Variants in RO60 observed in about 807,000 individuals in gnomAD.
RO60 encodes Ro60, Y RNA binding protein, also known as RNA-binding protein RO60.
A neutral mutation model predicts 55.3 loss-of-function variants in RO60; 20 were observed. The ratio of observed to expected loss-of-function variants is 0.36; its 90% confidence interval spans 0.25 to 0.53. The LOEUF is 0.53. RO60 is among the 20% of genes least tolerant of loss of function. The pLI, the probability that RO60 is intolerant of heterozygous loss-of-function variation, is 0.92. For missense variants in RO60, 558 were observed against 646.6 expected (o/e 0.86, Z 1.49); for synonymous variants, 213 against 213.6 (o/e 1.00, Z 0.02).
chr1:193,091,467 A>G (rs573755946), downstream of RO60: 28 of 552,346 alleles, frequency 5.1e-5, no homozygotes, highest in African/African-American at 5.3e-4. Context: ...GGAGCTTCCT[A>G]GGTCTGTTGA....
intron 3 of RO60, 95 bp from the exon 4 acceptor site, chr1:193,076,406 C>G: frequency 7.5e-7 from 1 of 1,339,026 alleles, no homozygotes; most frequent in Non-Finnish European, 1.0e-6. Context: ...ATGAAAGCCT[C>G]AGAGACTGTA....
chr1:193,069,635 G>C lies in RO60; in HGVS notation c.580+1G>C. 6.2e-7 allele frequency: 1 copy of C among 1,602,240 alleles called. No individual in the cohort carries two copies. Among genetic ancestry groups the C allele is most frequent in the Non-Finnish European group, 8.5e-7 (1 of 1,171,394 alleles). On this transcript the variant is annotated splice_donor_variant, in intron 2 of 8. Transcript: ENST00000400968. LOFTEE classifies it high-confidence loss of function. ...TCACATCTTAAACCTTCCAGTGAAG[G>C]TAAGCATAAGATCTTCATTGGGAAG... is the stretch of plus-strand genomic sequence containing the variant.
At chr1:193,067,035 GATT>G (rs1203937687) in intron 1 of RO60, among the ~76,000 whole-genome samples, 1 of 151,586 alleles carries the variant, frequency 6.6e-6, no homozygotes, top group African/African-American at 2.4e-5. Context: ...AATCTTTCTG[GATT>G]ATTGAGACAA....
At chr1:193,067,092 A>G (rs1218839830) in intron 1 of RO60, among the ~76,000 whole-genome samples, 4 of 151,836 alleles carry the variant, frequency 2.6e-5, no homozygotes, top group Non-Finnish European at 5.9e-5. Flanking sequence ...CTTTTCTACT[A>G]CAGCACTTAA....
chr1:193,069,956 T>C (rs1161243682), intron 2 of RO60, among the ~76,000 whole-genome samples: 2 of 152,138 alleles, frequency 1.3e-5, no homozygotes, highest in African/African-American at 2.4e-5. Context: ...AAAGTTGCAA[T>C]AAGCCTTGGA....
At chr1:193,078,234 C>T (rs939730629) in intron 5 of RO60, among the ~76,000 whole-genome samples, 1 of 152,096 alleles carries the variant, frequency 6.6e-6, no homozygotes, top group African/African-American at 2.4e-5. Flanking sequence ...AACCACTAAA[C>T]CTGAAATGAA....
chr1:193,076,758 C>A, intron 4 of RO60, 111 bp downstream of exon 4: 1 of 1,343,586 alleles, frequency 7.4e-7, no homozygotes, highest in Non-Finnish European at 1.0e-6. Context: ...TTCATTATAC[C>A]AAATTGCATT....
At chr1:193,073,574 T>C (rs1673669742) in intron 2 of RO60, among the ~76,000 whole-genome samples, 1 of 151,986 alleles carries the variant, frequency 6.6e-6, no homozygotes, top group Non-Finnish European at 1.5e-5. Flanking sequence ...CTGTGTTTGT[T>C]TGTTTGTTTG....
intron 5 of RO60, among the ~76,000 whole-genome samples, chr1:193,081,062 C>G (rs1272466345): frequency 6.6e-6 from 1 of 152,132 alleles, no homozygotes; most frequent in Non-Finnish European, 1.5e-5. Flanking sequence ...TAAAAATTCT[C>G]ATTTTACTTC....
chr1:193,073,049 GACAAA>G (rs1673631301), intron 2 of RO60, among the ~76,000 whole-genome samples: 1 of 152,134 alleles, frequency 6.6e-6, no homozygotes, highest in Admixed American at 6.5e-5. Flanking sequence ...ATTTATAACA[GACAAA>G]ACAAGTCAAA....
At position 193,085,546 on chromosome 1, in the gene RO60, T is replaced by A; in HGVS notation, c.*815T>A. ...AACATAGCCAGATGTAGTCTCACAC[T>A]GTTTTTCATACTCTTAAGTGTAAAT... On this transcript the variant is annotated 3_prime_UTR_variant, in exon 9 of 9. Transcript: ENST00000400968. 2.0e-6 allele frequency: 2 copies of A among 984,854 alleles called. No homozygotes were observed. The highest frequency in any genetic ancestry group is 2.4e-6 in the Non-Finnish European group (2 of 829,520). The allele number at this position is 984,854 out of a possible 1,614,324, so 61.0% of individuals were successfully genotyped here. A position where few individuals can be genotyped will look rare whatever the true frequency, so the allele number is the denominator to read the frequency against.
In RO60 at chr1:193,072,419, CT is replaced by C. The variant is rs767658833; in HGVS notation, c.580+2793del. On this transcript the variant is annotated intron_variant, in intron 2 of 8. Coordinates refer to ENST00000400968, the MANE Select transcript of RO60 (RefSeq NM_001173524.2). The stretch of plus-strand genomic sequence containing the variant: ...ATATACAGTGCATGCATTTTTTCTT[CT>C]TTTTTTTCTTTGTCTTTTTTTTTTT... Among the ~76,000 whole-genome samples the C allele has an allele frequency of 6.0e-5, 9 of 149,722 alleles. No individual in the cohort carries two copies. The East Asian group carries it at 9.8e-4, about 16-fold the overall frequency.
Position 193,088,275 on chromosome 1 carries a change from G to A in RO60, c.*3544G>A, listed in dbSNP as rs765597866. On this transcript the variant is annotated 3_prime_UTR_variant, in exon 9 of 9. Coordinates refer to ENST00000400968, the MANE Select transcript of RO60 (RefSeq NM_001173524.2). ...GATCTTCCTGCCTTGGCCTCCCGAA[G>A]TGCTGGAATTAGAGGCATGAGCCAC... 1.4e-5 allele frequency: 2 copies of A among 147,852 alleles called. No individual in the cohort carries two copies. The highest frequency in any genetic ancestry group is 2.5e-5 in the African/African-American group (1 of 39,384). 9.2% of individuals were successfully genotyped at this position (147,852 alleles called of 1,614,324 possible).
intron 5 of RO60, 122 bp from the exon 6 acceptor site, chr1:193,081,242 T>C (rs781153891): frequency 6.0e-6 from 3 of 497,038 alleles, no homozygotes; most frequent in Non-Finnish European, 1.1e-5. Flanking sequence ...TCAATTGGTA[T>C]ATCAAAAATC....
In RO60 at chr1:193,088,592, A is replaced by G. The variant is rs1390025507; in HGVS notation, c.*3861A>G. ...TTAACTTGACCTGTTGTAGCCACAA[A>G]TAACAAATTTCTTGGTAACTGATGC... On this transcript the variant is annotated 3_prime_UTR_variant, in exon 9 of 9. Coordinates refer to ENST00000400968, the MANE Select transcript of RO60 (RefSeq NM_001173524.2). The G allele has an allele frequency of 6.6e-6, 1 of 152,204 alleles. No homozygotes were observed. Among genetic ancestry groups the G allele is most frequent in the African/African-American group, 2.4e-5 (1 of 41,448 alleles). The allele number at this position is 152,204 out of a possible 1,614,324, so 9.4% of individuals were successfully genotyped here.
At chr1:193,073,853 C>T (rs1047411344) in intron 2 of RO60, among the ~76,000 whole-genome samples, 4 of 151,920 alleles carry the variant, frequency 2.6e-5, no homozygotes, top group South Asian at 2.1e-4. Context: ...CGTCATTTAA[C>T]GTTACGTATA....
At chr1:193,070,588 GT>G (rs1411214577) in intron 2 of RO60, 2 of 450,516 alleles carry the variant, frequency 4.4e-6, no homozygotes, top group African/African-American at 4.0e-5. Flanking sequence ...AGAAGGGTGG[GT>G]TCACATTTCA....
At chr1:193,084,282 C>T (rs1375168529) in intron 8 of RO60, among the ~76,000 whole-genome samples, 1 of 152,136 alleles carries the variant, frequency 6.6e-6, no homozygotes, top group African/African-American at 2.4e-5. Context: ...CCTTAATAAC[C>T]TGACAGGTTT....
Position 193,085,439 on chromosome 1 carries a change from G to T in RO60, c.*708G>T. ...TTGTGTTGGCTGAGGGATTCTATTT[G>T]GTTTGCTTTTTTTTTTTTGCTTTGT... is the stretch of plus-strand genomic sequence containing the variant. On this transcript the variant is annotated 3_prime_UTR_variant, in exon 9 of 9. Transcript: ENST00000400968. 1.0e-6 allele frequency: 1 copy of T among 984,032 alleles called. No individual in the cohort carries two copies. The highest frequency in any genetic ancestry group is 1.2e-6 in the Non-Finnish European group (1 of 829,806). The allele number at this position is 984,032 out of a possible 1,614,324, so 61.0% of individuals were successfully genotyped here.
Sources: gnomAD v4.1 joint callset for allele counts (sites outside exome capture counted in the v4.1 genomes callset) on GRCh38, gnomAD v4.1.1 for gene constraint, MANE v1.5 for transcripts, NCBI Gene and HGNC (gene_info 2026-07-23, HGNC 2026-07-21) for gene names.